RPS6KC1: variants seen among roughly 807,000 people sequenced by gnomAD.
The protein encoded by RPS6KC1 is inactive ribosomal protein S6 kinase delta-1.
Under a neutral mutation model 103.8 loss-of-function variants are expected in RPS6KC1, and 54 were observed. That is an observed-to-expected ratio of 0.52 (90% CI 0.42 to 0.65). RPS6KC1 has a LOEUF of 0.65. Ranked by LOEUF, RPS6KC1 falls within the 30% of genes least tolerant of loss-of-function variation. The probability of loss-of-function intolerance (pLI) is 0.00; values close to 1 mark genes in which losing one functional copy is unlikely to be tolerated. For synonymous variants in RPS6KC1, 439 were observed against 438.7 expected (o/e 1.00, Z -0.01); for missense variants, 1,151 against 1,253.8 (o/e 0.92, Z 1.24).
the RPS6KC1 span, among the ~76,000 whole-genome samples, chr1:213,693,588 A>G: frequency 6.6e-6 from 1 of 152,194 alleles, no homozygotes; most frequent in East Asian, 1.9e-4. Flanking sequence ...TCACTGAGCC[A>G]CAGCAGGAAT....
At chr1:213,862,510 CG>C in the RPS6KC1 span, among the ~76,000 whole-genome samples, 1 of 151,986 alleles carries the variant, frequency 6.6e-6, no homozygotes, top group African/African-American at 2.4e-5. Flanking sequence ...GATAAAGCAG[CG>C]ATTTTTTTTT....
At chr1:213,072,766 A>G (rs1226332921) in intron 2 of RPS6KC1, 1 of 158,068 alleles carries the variant, frequency 6.3e-6, no homozygotes, top group African/African-American at 2.4e-5. Context: ...TATTCTTTAG[A>G]TTTCTAGTTT....
chr1:213,344,075 A>G, the RPS6KC1 span, among the ~76,000 whole-genome samples: 9 of 152,182 alleles, frequency 5.9e-5, no homozygotes, highest in Admixed American at 2.0e-4. Flanking sequence ...AAACAAAATA[A>G]GACAAAACAA....
At chr1:213,464,312 GGTTTATT>G in the RPS6KC1 span, among the ~76,000 whole-genome samples, 1 of 151,902 alleles carries the variant, frequency 6.6e-6, no homozygotes, top group Non-Finnish European at 1.5e-5. Flanking sequence ...AAAGTTTATT[GGTTTATT>G]GTTGTTTATT....
chr1:213,693,553 G>A, the RPS6KC1 span, among the ~76,000 whole-genome samples: 12 of 152,280 alleles, frequency 7.9e-5, no homozygotes, highest in African/African-American at 2.2e-4. Flanking sequence ...AAGAGGGATC[G>A]GGAAAGGGAA....
the RPS6KC1 span, among the ~76,000 whole-genome samples, chr1:213,402,488 C>T: frequency 6.6e-6 from 1 of 151,744 alleles, no homozygotes; most frequent in African/African-American, 2.4e-5. Flanking sequence ...CCATTGAATC[C>T]TGATGATATT....
At chr1:213,299,865 C>A in the RPS6KC1 span, among the ~76,000 whole-genome samples, 4 of 152,078 alleles carry the variant, frequency 2.6e-5, no homozygotes, top group Non-Finnish European at 5.9e-5. Context: ...AGTGCAGTGG[C>A]GTGATTTCTG....
At chr1:213,258,073 C>T (rs2094694584) in intron 12 of RPS6KC1, among the ~76,000 whole-genome samples, 1 of 152,114 alleles carries the variant, frequency 6.6e-6, no homozygotes, top group Non-Finnish European at 1.5e-5. Flanking sequence ...CCTCTGCCTC[C>T]TGGGTTCAAG....
At chr1:213,586,345 G>A in the RPS6KC1 span, among the ~76,000 whole-genome samples, 2 of 152,188 alleles carry the variant, frequency 1.3e-5, no homozygotes, top group African/African-American at 4.8e-5. Context: ...GCAACGCTGG[G>A]AATATCAGTC....
the RPS6KC1 span, among the ~76,000 whole-genome samples, chr1:213,594,067 G>C: frequency 6.6e-6 from 1 of 152,092 alleles, no homozygotes. Flanking sequence ...CTTTTGCCAA[G>C]TTGGCCAGGC....
chr1:213,155,977 A>G (rs1266542378), intron 6 of RPS6KC1, among the ~76,000 whole-genome samples: 1 of 152,220 alleles, frequency 6.6e-6, no homozygotes, highest in East Asian at 1.9e-4. Flanking sequence ...ACCACCCAAC[A>G]TGGTAAAATT....
At chr1:213,391,134 G>T in the RPS6KC1 span, among the ~76,000 whole-genome samples, 4 of 152,134 alleles carry the variant, frequency 2.6e-5, no homozygotes, top group Non-Finnish European at 4.4e-5. Flanking sequence ...TCACCTGTTT[G>T]CAGTCTAGGA....
intron 3 of RPS6KC1, among the ~76,000 whole-genome samples, chr1:213,087,123 T>C (rs2080467735): frequency 6.6e-6 from 1 of 152,180 alleles, no homozygotes; most frequent in African/African-American, 2.4e-5. Flanking sequence ...TTTTTACAGA[T>C]GAAATGGACT....
chr1:213,399,721 C>T, the RPS6KC1 span, among the ~76,000 whole-genome samples: 1 of 152,048 alleles, frequency 6.6e-6, no homozygotes, highest in East Asian at 1.9e-4. Context: ...TGCCTGGTGC[C>T]CACTGCTGTA....
the RPS6KC1 span, among the ~76,000 whole-genome samples, chr1:213,677,643 G>C: frequency 1.3e-5 from 2 of 152,246 alleles, no homozygotes; most frequent in South Asian, 4.1e-4. Flanking sequence ...CATTGTATGT[G>C]GGGGGAGATG....
the RPS6KC1 span, among the ~76,000 whole-genome samples, chr1:213,451,458 G>A: frequency 3.3e-5 from 5 of 152,194 alleles, no homozygotes; most frequent in Admixed American, 3.3e-4. Context: ...GTTGACAGAA[G>A]ATTGCATGGA....
the RPS6KC1 span, among the ~76,000 whole-genome samples, chr1:213,524,497 T>A: frequency 1.3e-5 from 2 of 152,014 alleles, no homozygotes; most frequent in African/African-American, 4.8e-5. Context: ...GAAACAACAC[T>A]TGAGACTTTC....
At chr1:213,292,198 T>C in the RPS6KC1 span, among the ~76,000 whole-genome samples, 2 of 152,006 alleles carry the variant, frequency 1.3e-5, no homozygotes, top group Non-Finnish European at 1.5e-5. Flanking sequence ...CATGTATACC[T>C]ATGTAACTAA....
the RPS6KC1 span, among the ~76,000 whole-genome samples, chr1:213,831,511 C>A: frequency 6.6e-6 from 1 of 152,176 alleles, no homozygotes; most frequent in Non-Finnish European, 1.5e-5. Context: ...TGATTTCAGA[C>A]TTCTAATGTC....
Sources: gnomAD v4.1 joint callset for allele counts (sites outside exome capture counted in the v4.1 genomes callset) on GRCh38, gnomAD v4.1.1 for gene constraint, MANE v1.5 for transcripts, NCBI Gene and HGNC (gene_info 2026-07-23, HGNC 2026-07-21) for gene names.